IMPG1: variants seen among roughly 807,000 people sequenced by gnomAD.
IMPG1 encodes interphotoreceptor matrix proteoglycan of 150 kDa.
In IMPG1, 85 loss-of-function variants were observed where a neutral mutation model predicts 92.0. The ratio of observed to expected loss-of-function variants is 0.92; its 90% CI spans 0.78 to 1.11. The LOEUF is 1.11. IMPG1 is among the 50% of genes least tolerant of loss of function. The probability of loss-of-function intolerance (pLI) is 0.00; values close to 1 mark genes in which losing one functional copy is unlikely to be tolerated. For synonymous variants in IMPG1, 367 were observed against 334.1 expected, an observed-to-expected ratio of 1.10 and a Z score of -1.08; for missense variants, 1,022 against 956.0, an observed-to-expected ratio of 1.07 and a Z score of -0.91.
intron 12 of IMPG1, among the ~76,000 whole-genome samples, chr6:75,997,545 T>C (rs1487589843): frequency 6.6e-6 from 1 of 152,170 alleles, no homozygotes; most frequent in Non-Finnish European, 1.5e-5. Flanking sequence ...TTAAATTTCT[T>C]CAGCACTCTT....
At chr6:76,062,638 C>A (rs370511748) in intron 1 of IMPG1, among the ~76,000 whole-genome samples, 2 of 152,172 alleles carry the variant, frequency 1.3e-5, no homozygotes, top group African/African-American at 2.4e-5. Flanking sequence ...TGCTTACCAG[C>A]TAGTTGTGTT....
intron 12 of IMPG1, among the ~76,000 whole-genome samples, chr6:75,975,294 A>G (rs1782515748): frequency 6.6e-6 from 1 of 152,262 alleles, no homozygotes; most frequent in East Asian, 1.9e-4. Flanking sequence ...GGGTCCGGTC[A>G]TGTCCCAGAC....
intron 14 of IMPG1, chr6:75,935,017 G>C: frequency 2.1e-6 from 1 of 470,868 alleles, no homozygotes; most frequent in Middle Eastern, 3.6e-4. Flanking sequence ...GCTTCACCTG[G>C]GCTGGCTGGG....
chr6:75,989,811 C>G (rs538887297), intron 12 of IMPG1, among the ~76,000 whole-genome samples: 2 of 152,280 alleles, frequency 1.3e-5, no homozygotes, highest in Admixed American at 1.3e-4. Context: ...CCACTGTACT[C>G]CAGCCTGGGT....
intron 12 of IMPG1, among the ~76,000 whole-genome samples, chr6:75,954,820 C>T (rs961037394): frequency 2.7e-4 from 41 of 152,100 alleles, no homozygotes; most frequent in African/African-American, 9.7e-4. Context: ...CAGTTTCAGT[C>T]TTCTGCATAT....
chr6:75,983,390 G>A (rs1258168313), intron 12 of IMPG1, among the ~76,000 whole-genome samples: 1 of 152,004 alleles, frequency 6.6e-6, no homozygotes, highest in Non-Finnish European at 1.5e-5. Context: ...ACAGACCAGT[G>A]GAATAGAATA....
At position 75,923,794 on chromosome 6, in the gene IMPG1, A is replaced by ACAT; in HGVS notation, c.2244-91_2244-89dup. Reference sequence around the variant, plus strand: ...ACATCTTTCTACTGTTTTAGTTTTAACATCATGACAAGTGAAAATAGATAG... The same window carrying ACAT: ...ACATCTTTCTACTGTTTTAGTTTTAACATCATCATGACAAGTGAAAATAGATAG... On this transcript the variant is annotated intron_variant, in intron 15 of 16. Transcript: ENST00000369950. The ACAT allele has an allele frequency of 4.1e-6, 3 of 734,154 alleles. No individual in the cohort carries two copies. The South Asian group carries it at 5.1e-5, about 12-fold the overall frequency. 45.5% of individuals were successfully genotyped at this position (734,154 alleles called of 1,614,324 possible). A position where few individuals can be genotyped will look rare whatever the true frequency, so the allele number is the denominator to read the frequency against.
chr6:75,989,712 G>A (rs773366083), intron 12 of IMPG1, among the ~76,000 whole-genome samples: 10 of 152,120 alleles, frequency 6.6e-5, no homozygotes, highest in Non-Finnish European at 1.3e-4. Flanking sequence ...GTGTGGTGGC[G>A]TGTGCCTGTA....
At chr6:75,932,901 A>G (rs1160194648) in intron 14 of IMPG1, among the ~76,000 whole-genome samples, 2 of 152,102 alleles carry the variant, frequency 1.3e-5, no homozygotes, top group South Asian at 2.1e-4. Context: ...GGGTTTCACC[A>G]TGTTGGCCAG....
rs564137615 is a variant in IMPG1 at position 76,015,224 on chromosome 6, C to T, written c.807+3494G>A. ...GTTTATTGTGGAAATTAAATTACTG[C>T]GAAGCACTGTCCATTAATTCCTGAT... On this transcript the variant is annotated intron_variant, in intron 7 of 16. Transcript: ENST00000369950. Among the ~76,000 whole-genome samples the T allele has an allele frequency of 2.6e-5, 4 of 152,272 alleles. No individual in the cohort carries two copies. In the South Asian group the frequency reaches 6.2e-4, roughly 24 times the overall value.
At chr6:75,924,725 A>ATCATATAATTATAT (rs1297274732) in intron 15 of IMPG1, among the ~76,000 whole-genome samples, 1 of 11,332 alleles carries the variant, frequency 8.8e-5, no homozygotes, top group African/African-American at 2.3e-4. Context: ...TATATAATAT[A>ATCATATAATTATAT]ATTATATATA....
chr6:76,003,896 G>A lies in IMPG1; in HGVS notation c.1190C>T (p.Thr397Ile), dbSNP rs759107266. ...FGPDTQSELP[T>I]SFAVITEDAT... is the part of the protein sequence containing the mutation. ...TACCTCTGTTATAACAGCAAAAGAT[G>A]TGGGCAGCTCTGATTGGGTGTCAGG... The change falls in exon 11 of 17, where the codon ACA becomes ATA. Residue 397 changes from threonine (T) to isoleucine (I), a missense_variant. Transcript: ENST00000369950. 2 of 1,612,750 alleles carry A rather than the reference G, an allele frequency of 1.2e-6. No homozygotes were observed. Among genetic ancestry groups the A allele is most frequent in the Admixed American group, 1.7e-5 (1 of 59,650 alleles).
chr6:76,025,368 AG>A, intron 4 of IMPG1, 110 bp from the exon 5 acceptor site: 1 of 515,366 alleles, frequency 1.9e-6, no homozygotes. Context: ...TTATAGGAAA[AG>A]CATACTTTAA....
chr6:75,974,710 T>C (rs1782507319), intron 12 of IMPG1, among the ~76,000 whole-genome samples: 1 of 152,024 alleles, frequency 6.6e-6, no homozygotes, highest in Non-Finnish European at 1.5e-5. Flanking sequence ...GAGATGGGGT[T>C]TCACCATGTT....
At chr6:76,047,506 G>A (rs1206862085) in intron 1 of IMPG1, among the ~76,000 whole-genome samples, 1 of 152,174 alleles carries the variant, frequency 6.6e-6, no homozygotes, top group East Asian at 1.9e-4. Context: ...TTGTGTTGTA[G>A]TGCTTCCTTT....
rs193186961 is a variant in IMPG1 at position 75,986,420 on chromosome 6, T to G, written c.1291+16498A>C. Among the ~76,000 whole-genome samples, 39 of 152,190 alleles carry G rather than the reference T, an allele frequency of 2.6e-4. No homozygotes were observed. In the East Asian group the frequency reaches 3.1e-3, roughly 12 times the overall value. On this transcript the variant is annotated intron_variant, in intron 12 of 16. Transcript: ENST00000369950. Reference sequence around the variant, plus strand: ...TCTTAATAACTATTATAATAAAGATTGAGGGGAGAAAAACAGATACATCAA... The same window carrying G: ...TCTTAATAACTATTATAATAAAGATGGAGGGGAGAAAAACAGATACATCAA...
At chr6:75,935,118 G>A (rs1211686973) in intron 14 of IMPG1, 5 of 445,926 alleles carry the variant, frequency 1.1e-5, no homozygotes, top group Admixed American at 7.4e-5. Context: ...AGCAAAAGAA[G>A]CAAGAGTAGA....
chr6:76,056,067 A>T (rs1007350643), intron 1 of IMPG1, among the ~76,000 whole-genome samples: 1 of 151,916 alleles, frequency 6.6e-6, no homozygotes, highest in Non-Finnish European at 1.5e-5. Context: ...GCTTATGAAT[A>T]TGAGTGTAAC....
intron 5 of IMPG1, chr6:76,024,988 T>C: frequency 1.6e-6 from 1 of 611,578 alleles, no homozygotes. Context: ...AGATATTGAA[T>C]GGTTTGGTTT....
Sources: allele counts gnomAD v4.1 joint callset (sites outside exome capture counted in the v4.1 genomes callset), GRCh38; gene constraint gnomAD v4.1.1; transcripts MANE v1.5; gene names NCBI Gene and HGNC (gene_info 2026-07-23, HGNC 2026-07-21).